The following LRFN5 variants were observed in gnomAD, a reference collection of about 807,000 sequenced individuals.
LRFN5 encodes leucine rich repeat and fibronectin type III domain containing 5, also known as leucine-rich repeat and fibronectin type-III domain-containing protein 5.
In LRFN5, 24 loss-of-function variants were observed where a neutral mutation model predicts 45.6. The observed-to-expected ratio is 0.53, with a 90% CI of 0.38 to 0.74. The LOEUF is 0.74. LRFN5 is among the 30% of genes least tolerant of loss of function. The pLI, the probability that LRFN5 is intolerant of heterozygous loss-of-function variation, is 0.00. For missense variants in LRFN5, 776 were observed against 861.5 expected (o/e 0.90, Z 1.24); for synonymous variants, 340 against 313.8 (o/e 1.08, Z -0.88).
At chr14:41,721,598 G>GA (rs1428432083) in intron 1 of LRFN5, among the ~76,000 whole-genome samples, 1 of 151,674 alleles carries the variant, frequency 6.6e-6, no homozygotes, top group Non-Finnish European at 1.5e-5. Flanking sequence ...TGCTTGACTA[G>GA]AAAAAAAATG....
At chr14:41,885,015 T>A (rs554874965) in intron 2 of LRFN5, among the ~76,000 whole-genome samples, 1 of 152,154 alleles carries the variant, frequency 6.6e-6, no homozygotes, top group East Asian at 1.9e-4. Flanking sequence ...ATATGTATGA[T>A]TTTCTGCAGC....
At chr14:41,883,532 T>C (rs1415796536) in intron 2 of LRFN5, among the ~76,000 whole-genome samples, 2 of 152,200 alleles carry the variant, frequency 1.3e-5, no homozygotes, top group African/African-American at 4.8e-5. Context: ...TCTTAAAATT[T>C]CTTACCTTGT....
chr14:41,873,720 C>G (rs578002249), intron 2 of LRFN5, among the ~76,000 whole-genome samples: 21 of 152,098 alleles, frequency 1.4e-4, no homozygotes, highest in Non-Finnish European at 2.6e-4. Flanking sequence ...GAAATTATTT[C>G]CTGAAGAATT....
chr14:41,843,403 C>A (rs1008194061), intron 2 of LRFN5, among the ~76,000 whole-genome samples: 1 of 152,096 alleles, frequency 6.6e-6, no homozygotes, highest in Non-Finnish European at 1.5e-5. Flanking sequence ...TGATATCCTT[C>A]ATAAGCAGAA....
intron 2 of LRFN5, among the ~76,000 whole-genome samples, chr14:41,800,603 G>A (rs377221593): frequency 6.6e-6 from 1 of 151,662 alleles, no homozygotes; most frequent in Admixed American, 6.6e-5. Flanking sequence ...TATGAATTCA[G>A]CTGTACTCTA....
intron 2 of LRFN5, 58 bp downstream of exon 2, chr14:41,767,087 G>A (rs1186985187): frequency 6.6e-6 from 1 of 152,548 alleles, no homozygotes; most frequent in Non-Finnish European, 1.5e-5. Context: ...CTTAAGGGAG[G>A]AAAACTAAAA....
chr14:41,720,732 A>G (rs1883680769), intron 1 of LRFN5, among the ~76,000 whole-genome samples: 1 of 152,008 alleles, frequency 6.6e-6, no homozygotes, highest in South Asian at 2.1e-4. Context: ...TTATTCCACT[A>G]TGGTCTGATA....
At chr14:41,703,643 A>G (rs1380344137) in intron 1 of LRFN5, among the ~76,000 whole-genome samples, 1 of 152,072 alleles carries the variant, frequency 6.6e-6, no homozygotes, top group Admixed American at 6.6e-5. Context: ...TTTTGGGAGA[A>G]TAACTATTTA....
chr14:41,664,901 A>G (rs1406499058), intron 1 of LRFN5, among the ~76,000 whole-genome samples: 1 of 152,032 alleles, frequency 6.6e-6, no homozygotes, highest in Non-Finnish European at 1.5e-5. Context: ...ATGTGATGAC[A>G]GTAATTCTAT....
At chr14:41,719,261 A>G (rs996860271) in intron 1 of LRFN5, among the ~76,000 whole-genome samples, 2 of 152,074 alleles carry the variant, frequency 1.3e-5, no homozygotes, top group Non-Finnish European at 2.9e-5. Context: ...TATGATGTCT[A>G]TTTGTTCCAT....
At position 41,892,965 on chromosome 14, in the gene LRFN5, G is replaced by A. The variant is rs932675790; in HGVS notation, c.2098+1003G>A. 2.6e-5 allele frequency: 26 copies of A among 985,030 alleles called. No individual in the cohort carries two copies. In the Admixed American group the frequency reaches 8.6e-4, roughly 33 times the overall value. The allele number at this position is 985,030 out of a possible 1,614,324, so 61.0% of individuals were successfully genotyped here. On this transcript the variant is annotated intron_variant, in intron 4 of 5. Coordinates refer to ENST00000298119, the MANE Select transcript of LRFN5 (RefSeq NM_152447.5). ...AACATACAAGACTGCCTTTATCAAA[G>A]GGGTGTTTATTTTTATCACCAAGTA... is the stretch of plus-strand genomic sequence containing the variant.
At chr14:41,665,300 A>C (rs1880846086) in intron 1 of LRFN5, among the ~76,000 whole-genome samples, 1 of 151,752 alleles carries the variant, frequency 6.6e-6, no homozygotes, top group Non-Finnish European at 1.5e-5. Flanking sequence ...GAAAACAAAG[A>C]AAAAAAAGAG....
chr14:41,632,629 G>A (rs993126541), intron 1 of LRFN5, among the ~76,000 whole-genome samples: 15 of 152,038 alleles, frequency 9.9e-5, no homozygotes, highest in Admixed American at 5.9e-4. Flanking sequence ...AGTATGTGTT[G>A]TTATTGTTAC....
intron 1 of LRFN5, among the ~76,000 whole-genome samples, chr14:41,634,369 T>TC (rs1801978432): frequency 6.6e-6 from 1 of 152,176 alleles, no homozygotes; most frequent in South Asian, 2.1e-4. Flanking sequence ...GATGGAATCA[T>TC]CCAGAGATAG....
intron 1 of LRFN5, among the ~76,000 whole-genome samples, chr14:41,650,542 T>C (rs1880061110): frequency 6.6e-6 from 1 of 152,146 alleles, no homozygotes; most frequent in Admixed American, 6.6e-5. Flanking sequence ...GATACATTGA[T>C]AGAACCTTTC....
At chr14:41,828,758 T>G (rs1888379501) in intron 2 of LRFN5, among the ~76,000 whole-genome samples, 1 of 151,968 alleles carries the variant, frequency 6.6e-6, no homozygotes, top group South Asian at 2.1e-4. Flanking sequence ...TTTCTCACTT[T>G]GAGTAATAAT....
chr14:41,692,825 A>G (rs1882439785), intron 1 of LRFN5, among the ~76,000 whole-genome samples: 1 of 151,974 alleles, frequency 6.6e-6, no homozygotes, highest in African/African-American at 2.4e-5. Flanking sequence ...AAAATGGCAA[A>G]GCTCTTCAAT....
At chr14:41,814,810 G>T (rs1362359396) in intron 2 of LRFN5, among the ~76,000 whole-genome samples, 2 of 152,140 alleles carry the variant, frequency 1.3e-5, no homozygotes, top group Non-Finnish European at 2.9e-5. Flanking sequence ...GTGTTGGGTG[G>T]TGGGTGGTGA....
At chr14:41,643,443 T>C (rs1879671612) in intron 1 of LRFN5, among the ~76,000 whole-genome samples, 3 of 152,128 alleles carry the variant, frequency 2.0e-5, no homozygotes, top group Admixed American at 6.6e-5. Context: ...ATTTTTGAAA[T>C]AAATCCCCTT....
Sources: allele counts gnomAD v4.1 joint callset (sites outside exome capture counted in the v4.1 genomes callset), GRCh38; gene constraint gnomAD v4.1.1; transcripts MANE v1.5; gene names NCBI Gene and HGNC (gene_info 2026-07-23, HGNC 2026-07-21).